Variants in FBN2 observed in about 807,000 individuals in gnomAD.
FBN2 encodes the protein fibrillin 2.
Under a neutral mutation model 355.6 loss-of-function variants are expected in FBN2, and 105 were observed. The observed-to-expected ratio is 0.30, with a 90% confidence interval of 0.25 to 0.35. FBN2 has a LOEUF of 0.35. FBN2 is among the 10% of genes least tolerant of loss of function. FBN2 has a pLI of 1.00. For synonymous variants in FBN2, 1,350 were observed against 1,301.2 expected, an observed-to-expected ratio of 1.04 and a Z score of -0.81; for missense variants, 3,280 against 3,758.7, an observed-to-expected ratio of 0.87 and a Z score of 3.33.
intron 21 of FBN2, 137 bp downstream of exon 21, chr5:128,350,731 G>T: frequency 2.0e-6 from 2 of 980,796 alleles, no homozygotes; most frequent in Non-Finnish European, 3.1e-6. Context: ...AAAAACATTA[G>T]CCAGGAAAGA....
intron 7 of FBN2, among the ~76,000 whole-genome samples, chr5:128,410,968 C>T (rs901523335): frequency 1.3e-5 from 2 of 152,118 alleles, no homozygotes; most frequent in African/African-American, 2.4e-5. Context: ...TTTAAAACAA[C>T]AACAACAAAA....
At chr5:128,298,017 T>G (rs933642937) in intron 48 of FBN2, among the ~76,000 whole-genome samples, 9 of 151,266 alleles carry the variant, frequency 5.9e-5, no homozygotes, top group African/African-American at 2.2e-4. Flanking sequence ...CAGGAGCTCT[T>G]TTAGGGCAGG....
intron 27 of FBN2, 83 bp from the exon 28 acceptor site, chr5:128,336,196 T>C: frequency 7.3e-7 from 1 of 1,366,346 alleles, no homozygotes; most frequent in Non-Finnish European, 1.0e-6. Context: ...AGAGCAGTGG[T>C]CTCCAAAGGG....
At chr5:128,530,962 C>A (rs1381550753) in intron 2 of FBN2, among the ~76,000 whole-genome samples, 5 of 152,028 alleles carry the variant, frequency 3.3e-5, no homozygotes. Flanking sequence ...TCCATAGTGG[C>A]TGTAAAAGTA....
chr5:128,296,232 G>A (rs1377438990), intron 48 of FBN2, among the ~76,000 whole-genome samples: 4 of 150,722 alleles, frequency 2.7e-5, no homozygotes, highest in Non-Finnish European at 1.5e-5. Flanking sequence ...TGCTGGATTT[G>A]GTTTGCCAGT....
At chr5:128,375,258 C>T (rs186773653) in intron 14 of FBN2, among the ~76,000 whole-genome samples, 1 of 152,160 alleles carries the variant, frequency 6.6e-6, no homozygotes, top group African/African-American at 2.4e-5. Context: ...ACAGAGCTGC[C>T]GACTCAGGAA....
At position 128,395,085 on chromosome 5, in the gene FBN2, G is replaced by C. The variant is rs28763953; in HGVS notation, c.1231+37C>G. ...AGTACTGCTACTAATTTTCCTAACAGTGTCTGTGCTGAGGAGACTAACAGC... is the reference window on the plus strand; with the variant it reads ...AGTACTGCTACTAATTTTCCTAACACTGTCTGTGCTGAGGAGACTAACAGC... On this transcript the variant is annotated intron_variant, in intron 9 of 64. Transcript: ENST00000262464. 68,700 of 1,611,942 alleles carry C rather than the reference G, an allele frequency of 0.043. 1,664 individuals are homozygous for C. The highest frequency in any genetic ancestry group is 0.048 in the Non-Finnish European group (56,744 of 1,178,116).
chr5:128,534,915 G>A (rs1169824413), intron 2 of FBN2, among the ~76,000 whole-genome samples: 2 of 152,170 alleles, frequency 1.3e-5, no homozygotes, highest in African/African-American at 4.8e-5. Flanking sequence ...TTTCCGCCGT[G>A]CCTAAGTCAC....
chr5:128,452,935 AC>A (rs1452691871), intron 6 of FBN2, among the ~76,000 whole-genome samples: 1 of 152,082 alleles, frequency 6.6e-6, no homozygotes, highest in Non-Finnish European at 1.5e-5. Context: ...CCATTAGTAA[AC>A]AGAAATTCTT....
intron 5 of FBN2, among the ~76,000 whole-genome samples, chr5:128,465,695 A>C (rs1310911417): frequency 6.6e-6 from 1 of 152,220 alleles, no homozygotes; most frequent in East Asian, 1.9e-4. Context: ...CTCTCTAGCA[A>C]GTGACTGTAC....
chr5:128,274,754 C>T, intron 59 of FBN2, 71 bp from the exon 60 acceptor site: 1 of 932,788 alleles, frequency 1.1e-6, no homozygotes, highest in Middle Eastern at 2.1e-4. Flanking sequence ...TGTGAAGCCA[C>T]AGGAGATGCA....
chr5:128,362,746 T>G (rs1751670092), intron 18 of FBN2, among the ~76,000 whole-genome samples: 1 of 152,200 alleles, frequency 6.6e-6, no homozygotes, highest in Non-Finnish European at 1.5e-5. Flanking sequence ...ATTATAGGCA[T>G]AAGCTACCGC....
chr5:128,337,587 A>G (rs1410785772), intron 27 of FBN2, among the ~76,000 whole-genome samples: 1 of 152,236 alleles, frequency 6.6e-6, no homozygotes, highest in African/African-American at 2.4e-5. Context: ...AGGGAGCGCC[A>G]TGTTCACACA....
chr5:128,284,602 ATGTT>A (rs1749085879), intron 55 of FBN2, among the ~76,000 whole-genome samples: 1 of 152,106 alleles, frequency 6.6e-6, no homozygotes. Context: ...GTTTCAATTC[ATGTT>A]TGTTGTATGA....
At chr5:128,496,665 A>G (rs1268341465) in intron 5 of FBN2, among the ~76,000 whole-genome samples, 2 of 152,096 alleles carry the variant, frequency 1.3e-5, no homozygotes, top group Non-Finnish European at 2.9e-5. Flanking sequence ...GAATCAGACA[A>G]GAAAAGAAAA....
chr5:128,339,761 G>A (rs934896803), intron 25 of FBN2, among the ~76,000 whole-genome samples: 3 of 152,132 alleles, frequency 2.0e-5, no homozygotes, highest in African/African-American at 4.8e-5. Context: ...ACCCCAGGTC[G>A]CAGCATGTGA....
At chr5:128,308,160 T>G (rs1749933764) in intron 41 of FBN2, among the ~76,000 whole-genome samples, 1 of 152,138 alleles carries the variant, frequency 6.6e-6, no homozygotes, top group Non-Finnish European at 1.5e-5. Flanking sequence ...TGCAGGAGGT[T>G]CCACAATAAG....
At chr5:128,323,170 G>A (rs777314483) in intron 34 of FBN2, among the ~76,000 whole-genome samples, 9 of 152,092 alleles carry the variant, frequency 5.9e-5, no homozygotes, top group Non-Finnish European at 1.0e-4. Flanking sequence ...GAGATGATGC[G>A]GTTTTCTAAA....
intron 62 of FBN2, among the ~76,000 whole-genome samples, chr5:128,266,979 A>G (rs545117051): frequency 3.3e-5 from 5 of 150,974 alleles, no homozygotes; most frequent in Admixed American, 2.0e-4. Context: ...TCGCCCCCCA[A>G]CCCCCAACAG....
Sources: allele counts gnomAD v4.1 joint callset (sites outside exome capture counted in the v4.1 genomes callset), GRCh38; gene constraint gnomAD v4.1.1; transcripts MANE v1.5; gene names NCBI Gene and HGNC (gene_info 2026-07-23, HGNC 2026-07-21).